SPEF2: variants seen among roughly 807,000 people sequenced by gnomAD.
SPEF2 encodes the protein sperm flagella and cilia-associated protein 2.
In SPEF2, 187 loss-of-function variants were observed where a neutral mutation model predicts 224.6. The ratio of observed to expected loss-of-function variants is 0.83; its 90% CI spans 0.74 to 0.94. The LOEUF is 0.94. Ranked by LOEUF, SPEF2 falls within the 40% of genes least tolerant of loss-of-function variation. The pLI is 0.00. For missense variants in SPEF2, 2,170 were observed against 2,135.6 expected, an observed-to-expected ratio of 1.02 and a Z score of -0.32; for synonymous variants, 715 against 707.3, an observed-to-expected ratio of 1.01 and a Z score of -0.17.
intron 24 of SPEF2, among the ~76,000 whole-genome samples, chr5:35,757,721 G>A (rs1252394710): frequency 6.6e-6 from 1 of 152,020 alleles, no homozygotes; most frequent in Non-Finnish European, 1.5e-5. Context: ...ACTTAATTTG[G>A]TTGTTTTGCA....
intron 30 of SPEF2, among the ~76,000 whole-genome samples, chr5:35,782,635 A>G (rs1754501176): frequency 6.6e-6 from 1 of 152,116 alleles, no homozygotes; most frequent in African/African-American, 2.4e-5. Flanking sequence ...TAGAACAATG[A>G]CTGAATGCTT....
At chr5:35,807,916 T>G in intron 36 of SPEF2, 1 of 1,431,906 alleles carries the variant, frequency 7.0e-7, no homozygotes, top group Middle Eastern at 2.5e-4. Context: ...CCTTTCATAC[T>G]GTAGCACTAC....
chr5:35,709,256 G>A (rs1740623800), intron 19 of SPEF2, 135 bp downstream of exon 19: 1 of 1,477,304 alleles, frequency 6.8e-7, no homozygotes, highest in Non-Finnish European at 8.9e-7. Flanking sequence ...ACACTCAGAT[G>A]GAAGTGGAAA....
In SPEF2 at chr5:35,792,457, A is replaced by T. The variant is rs1330938151; in HGVS notation, c.4554+11A>T. ...CTTACCCAACCTGAAGTAAGCTTCT[A>T]TGTTGTTTGAGTTGTAAAGCTTTAA... On this transcript the variant is annotated intron_variant, in intron 31 of 36. Coordinates refer to ENST00000356031, the MANE Select transcript of SPEF2 (RefSeq NM_024867.4). The T allele has an allele frequency of 6.2e-7, 1 of 1,609,268 alleles. No homozygotes were observed. The highest frequency in any genetic ancestry group is 8.5e-7 in the Non-Finnish European group (1 of 1,176,190).
chr5:35,697,211 T>C (rs929777644), intron 14 of SPEF2, among the ~76,000 whole-genome samples: 2 of 152,078 alleles, frequency 1.3e-5, no homozygotes, highest in Non-Finnish European at 2.9e-5. Flanking sequence ...GTATAAACAC[T>C]AGGCAAAATA....
chr5:35,805,103 C>T (rs114363595), intron 34 of SPEF2, among the ~76,000 whole-genome samples: 2,879 of 152,188 alleles, frequency 0.019, 80 homozygotes, highest in African/African-American at 0.066. Context: ...TGTAGCATTT[C>T]CAGATGTTTA....
At chr5:35,657,339 G>A (rs1218804834) in intron 7 of SPEF2, among the ~76,000 whole-genome samples, 1 of 152,126 alleles carries the variant, frequency 6.6e-6, no homozygotes, top group Non-Finnish European at 1.5e-5. Context: ...GTGGAATTAT[G>A]TGAACTAAAT....
chr5:35,757,068 T>C (rs1183698842), intron 24 of SPEF2, among the ~76,000 whole-genome samples: 1 of 151,998 alleles, frequency 6.6e-6, no homozygotes, highest in Non-Finnish European at 1.5e-5. Context: ...AAATATTGTT[T>C]TTAATAACTA....
intron 34 of SPEF2, among the ~76,000 whole-genome samples, chr5:35,805,746 G>T (rs917033615): frequency 1.3e-5 from 2 of 152,014 alleles, no homozygotes; most frequent in South Asian, 4.1e-4. Context: ...TCCTTAATGC[G>T]TCTGCTTTCC....
At chr5:35,789,885 A>G (rs1365737462) in intron 30 of SPEF2, 1 of 702,916 alleles carries the variant, frequency 1.4e-6, no homozygotes, top group Non-Finnish European at 2.6e-6. Flanking sequence ...AGTGAAGTGG[A>G]TACTGAATGG....
intron 21 of SPEF2, among the ~76,000 whole-genome samples, chr5:35,730,123 AG>A (rs1325281325): frequency 2.0e-5 from 3 of 152,182 alleles, no homozygotes; most frequent in Non-Finnish European, 1.5e-5. Flanking sequence ...AGACCTTCTA[AG>A]GGCCCCAGGT....
chr5:35,811,002 T>C (rs1370313053), intron 36 of SPEF2, among the ~76,000 whole-genome samples: 1 of 151,696 alleles, frequency 6.6e-6, no homozygotes, highest in Admixed American at 6.6e-5. Flanking sequence ...TCAAGAAGAG[T>C]TGTGCCTGTG....
At chr5:35,751,078 T>TACGTATATATATACGTATATATATAC (rs1554048783) in intron 23 of SPEF2, among the ~76,000 whole-genome samples, 876 of 22,418 alleles carry the variant, frequency 0.039, 225 homozygotes, top group Non-Finnish European at 0.059. Context: ...TATATATATA[T>TACGTATATATATACGTATATATATAC]ACACACACAC....
At chr5:35,763,495 T>G (rs1225451747) in intron 25 of SPEF2, 27 bp from the exon 26 acceptor site, 2 of 1,515,434 alleles carry the variant, frequency 1.3e-6, no homozygotes, top group Non-Finnish European at 1.8e-6. Context: ...AAATTTTTTA[T>G]CCTTTTTGCT....
intron 10 of SPEF2, 185 bp downstream of exon 10, chr5:35,670,412 A>G (rs974339798): frequency 3.2e-5 from 41 of 1,297,018 alleles, no homozygotes; most frequent in Middle Eastern, 5.8e-4. Context: ...ATAAGCTATT[A>G]TCTATTGTTC....
intron 30 of SPEF2, among the ~76,000 whole-genome samples, chr5:35,781,850 G>T (rs1031824534): frequency 6.6e-6 from 1 of 152,038 alleles, no homozygotes; most frequent in African/African-American, 2.4e-5. Flanking sequence ...CAGGAGTAAC[G>T]TTCATTGTTA....
chr5:35,797,358 G>A (rs927765405), intron 33 of SPEF2, among the ~76,000 whole-genome samples: 1 of 138,936 alleles, frequency 7.2e-6, no homozygotes, highest in Non-Finnish European at 1.6e-5. Flanking sequence ...GTGTGTGTGT[G>A]TGTGATGTCC....
chr5:35,711,610 TTCCCTCCC>T (rs60459232), intron 19 of SPEF2, among the ~76,000 whole-genome samples: 1 of 136,058 alleles, frequency 7.3e-6, no homozygotes, highest in Admixed American at 7.6e-5. Context: ...CCTTCCTTAC[TTCCCTCCC>T]TCCCTCCCTC....
rs1401788890 is a variant in SPEF2, at chr5:35,654,540, T to C, written c.792T>C (p.Ser264=). 3 of 1,561,818 alleles carry C rather than the reference T, an allele frequency of 1.9e-6. No individual in the cohort carries two copies. Among genetic ancestry groups the C allele is most frequent in the Admixed American group, 2.1e-5 (1 of 46,766 alleles). ...LIKKDLQAKE[S]ASKTSLDTAG... is the part of the protein sequence containing the mutation. ...CTAAAATAAAAACTATTATTCTTAG[T>C]GCATCCAAGACTTCTTTAGATACAG... The change falls in exon 7 of 37, where the codon AGT becomes AGC. Residue 264 remains serine (S), a splice_region_variant and synonymous_variant. Coordinates refer to ENST00000356031, the MANE Select transcript of SPEF2 (RefSeq NM_024867.4).
Sources: gnomAD v4.1 joint callset for allele counts (sites outside exome capture counted in the v4.1 genomes callset) on GRCh38, gnomAD v4.1.1 for gene constraint, MANE v1.5 for transcripts, NCBI Gene and HGNC (gene_info 2026-07-23, HGNC 2026-07-21) for gene names.